The following NR5A2 variants were observed in gnomAD, a reference collection of about 807,000 sequenced individuals.
The protein encoded by NR5A2 is nuclear receptor subfamily 5 group A member 2.
Under a neutral mutation model 62.7 loss-of-function variants are expected in NR5A2, and 26 were observed. That is an observed-to-expected ratio of 0.41 (90% CI 0.30 to 0.58). The LOEUF (loss-of-function observed/expected upper bound fraction) is 0.58, where lower values mean the gene tolerates loss of function less well. NR5A2 is among the 20% of genes least tolerant of loss of function. NR5A2 has a pLI of 0.22. For missense variants in NR5A2, 541 were observed against 669.1 expected, an observed-to-expected ratio of 0.81 and a Z score of 2.11; for synonymous variants, 246 against 241.7, an observed-to-expected ratio of 1.02 and a Z score of -0.16.
chr1:200,139,548 CAGCTATT>C (rs1313245004), intron 7 of NR5A2, among the ~76,000 whole-genome samples: 1 of 152,188 alleles, frequency 6.6e-6, no homozygotes, highest in African/African-American at 2.4e-5. Flanking sequence ...AGAGATCCAA[CAGCTATT>C]TTTTCTTTGC....
intron 5 of NR5A2, among the ~76,000 whole-genome samples, chr1:200,077,656 G>A (rs1664102639): frequency 6.6e-6 from 1 of 152,234 alleles, no homozygotes; most frequent in Admixed American, 6.5e-5. Context: ...GGAGGTTGCA[G>A]TGAGCCAAGA....
At chr1:200,171,564 C>T (rs1299567861) in intron 7 of NR5A2, among the ~76,000 whole-genome samples, 1 of 152,138 alleles carries the variant, frequency 6.6e-6, no homozygotes, top group Non-Finnish European at 1.5e-5. Flanking sequence ...CCCTAGTCAA[C>T]ATGGTGAAAC....
Position 200,048,136 on chromosome 1 carries a change from A to G in NR5A2, c.464-36A>G, listed in dbSNP as rs1445145024. 6.5e-7 allele frequency: 1 copy of G among 1,544,044 alleles called. No homozygotes were observed. Among genetic ancestry groups the G allele is most frequent in the Non-Finnish European group, 8.7e-7 (1 of 1,143,166 alleles). ...TGCTAATAATTTGCACCTTATTTAT[A>G]CCTTTCCTTCCTTCCCCCCACCCCA... On this transcript the variant is annotated intron_variant, in intron 4 of 7. Transcript: ENST00000367362. The surrounding 1 kb of genome is among the most constrained non-coding windows in gnomAD (Gnocchi z 4.8).
chr1:200,057,720 A>G (rs1045430592), intron 5 of NR5A2: 2 of 259,376 alleles, frequency 7.7e-6, no homozygotes, highest in Middle Eastern at 1.4e-3. Context: ...CCTCAGGGTG[A>G]TCTGCCTGCC....
At chr1:200,043,148 G>A (rs1481389784) in intron 2 of NR5A2, 1 of 353,768 alleles carries the variant, frequency 2.8e-6, no homozygotes, top group Non-Finnish European at 4.0e-6. Context: ...GGAGATGAAA[G>A]TATCCAGAAT....
chr1:200,105,325 A>G lies in NR5A2; in HGVS notation c.1111-5877A>G, dbSNP rs530805307. On this transcript the variant is annotated intron_variant, in intron 5 of 7. Transcript: ENST00000367362. ...TTCTAACAGGAAACACTGAGAGAGA[A>G]AAAAAAAGTGATTCTACAAGTTAAA... Among the ~76,000 whole-genome samples, 241 of 152,058 alleles carry G rather than the reference A, an allele frequency of 1.6e-3. 1 individual carries two copies. Among genetic ancestry groups the G allele is most frequent in the Middle Eastern group, 0.014 (4 of 294 alleles).
At chr1:200,058,409 A>G (rs902430963) in intron 5 of NR5A2, 1 of 152,174 alleles carries the variant, frequency 6.6e-6, no homozygotes, top group Non-Finnish European at 1.5e-5. Context: ...AAGGACTTGT[A>G]TTATTTTTTA....
At chr1:200,093,749 A>T (rs899774714) in intron 5 of NR5A2, among the ~76,000 whole-genome samples, 1 of 152,192 alleles carries the variant, frequency 6.6e-6, no homozygotes, top group Non-Finnish European at 1.5e-5. Flanking sequence ...CTAGATTTTA[A>T]GTCAAATTTT....
intron 7 of NR5A2, among the ~76,000 whole-genome samples, chr1:200,123,653 G>A (rs559305777): frequency 1.3e-5 from 2 of 152,228 alleles, no homozygotes; most frequent in African/African-American, 2.4e-5. Context: ...AACTTAAGTC[G>A]ATTTGCCTTT....
chr1:200,154,429 A>G (rs1653281886), intron 7 of NR5A2, among the ~76,000 whole-genome samples: 1 of 152,230 alleles, frequency 6.6e-6, no homozygotes, highest in Non-Finnish European at 1.5e-5. Flanking sequence ...TTCAGTTGAT[A>G]ACAATAATCA....
chr1:200,096,210 C>T (rs1571467034), intron 5 of NR5A2, among the ~76,000 whole-genome samples: 2 of 152,228 alleles, frequency 1.3e-5, no homozygotes, highest in East Asian at 1.9e-4. Flanking sequence ...GCCTCAGCCT[C>T]CTGAGTAGCC....
chr1:200,120,774 TG>T (rs1233344881), intron 6 of NR5A2, 33 bp from the exon 7 acceptor site: 1 of 1,509,214 alleles, frequency 6.6e-7, no homozygotes, highest in South Asian at 1.4e-5. Context: ...TTGCTGATTC[TG>T]ATAGTCCTTA....
chr1:200,170,715 A>G (rs1654134930), intron 7 of NR5A2, among the ~76,000 whole-genome samples: 1 of 152,238 alleles, frequency 6.6e-6, no homozygotes, highest in African/African-American at 2.4e-5. Context: ...TGACCAGTGA[A>G]AATCCTCATT....
chr1:200,145,468 TTGTG>T (rs66885184), intron 7 of NR5A2, among the ~76,000 whole-genome samples: 10,701 of 142,034 alleles, frequency 0.075, 430 homozygotes, highest in African/African-American at 0.089. Flanking sequence ...TTGATAGAAT[TTGTG>T]TGTGTGTGTG....
rs1303467546 is a variant in NR5A2 at position 200,175,585 on chromosome 1, TTAAAA to T, written c.*1380_*1384del. 1 of 152,670 alleles carries T rather than the reference TTAAAA, an allele frequency of 6.6e-6. No homozygotes were observed. Among genetic ancestry groups the T allele is most frequent in the Non-Finnish European group, 1.5e-5 (1 of 68,036 alleles). The allele number at this position is 152,670 out of a possible 1,614,324, so 9.5% of individuals were successfully genotyped here. ...TGTGCAGATGTGGATCAACATTTGT[TTAAAA>T]TAAAGTATTAATACTTTAAAGTCAA... On this transcript the variant is annotated 3_prime_UTR_variant, in exon 8 of 8. Coordinates refer to ENST00000367362, the MANE Select transcript of NR5A2 (RefSeq NM_205860.3).
At chr1:200,112,992 T>A (rs1247995984) in intron 6 of NR5A2, among the ~76,000 whole-genome samples, 1 of 152,218 alleles carries the variant, frequency 6.6e-6, no homozygotes, top group East Asian at 1.9e-4. Context: ...TCATTTTGCC[T>A]TAAGTGCTGC....
chr1:200,089,639 C>T (rs1023465161), intron 5 of NR5A2, among the ~76,000 whole-genome samples: 7 of 151,908 alleles, frequency 4.6e-5, no homozygotes, highest in Non-Finnish European at 1.0e-4. Context: ...CCAGCTACTT[C>T]TTGTATTTTT....
chr1:200,065,394 C>T (rs939480382), intron 5 of NR5A2, among the ~76,000 whole-genome samples: 4 of 152,278 alleles, frequency 2.6e-5, no homozygotes, highest in Non-Finnish European at 4.4e-5. Context: ...TCCACCACCT[C>T]GGCCTCCCAA....
chr1:200,116,531 A>T (rs1337538581), intron 6 of NR5A2, among the ~76,000 whole-genome samples: 2 of 152,208 alleles, frequency 1.3e-5, no homozygotes, highest in Non-Finnish European at 2.9e-5. Context: ...TTCATTCAGA[A>T]CTAGAGAAAC....
Sources: gnomAD v4.1 joint callset for allele counts (sites outside exome capture counted in the v4.1 genomes callset) on GRCh38, gnomAD v4.1.1 for gene constraint, Gnocchi (gnomAD v3.1) non-coding constraint, MANE v1.5 for transcripts, NCBI Gene and HGNC (gene_info 2026-07-23, HGNC 2026-07-21) for gene names.